TTC17: variants seen among roughly 807,000 people sequenced by gnomAD.
TTC17 encodes tetratricopeptide repeat protein 17.
Under a neutral mutation model 143.8 loss-of-function variants are expected in TTC17, and 58 were observed. The observed-to-expected ratio is 0.40, with a 90% confidence interval of 0.33 to 0.50. The LOEUF (loss-of-function observed/expected upper bound fraction) is 0.50, where lower values mean the gene tolerates loss of function less well. Among genes scored for constraint, TTC17 ranks in the 20% least tolerant of loss-of-function variants. The pLI, the probability that TTC17 is intolerant of heterozygous loss-of-function variation, is 0.49. For missense variants in TTC17, 1,273 were observed against 1,392.5 expected, an observed-to-expected ratio of 0.91 and a Z score of 1.37; for synonymous variants, 501 against 497.8, an observed-to-expected ratio of 1.01 and a Z score of -0.09.
In TTC17 at chr11:43,475,154, G is replaced by T. The variant is rs182277589; in HGVS notation, c.3031-15085G>T. On this transcript the variant is annotated intron_variant, in intron 21 of 23. Transcript: ENST00000039989. ...GTATTTGACTATACATCCCTAATGA[G>T]ATTTACCCTAAGAACCAAAGGAAAC... Among the ~76,000 whole-genome samples, 5 of 152,282 alleles carry T rather than the reference G, an allele frequency of 3.3e-5. No individual in the cohort carries two copies. The East Asian group carries it at 9.7e-4, about 29-fold the overall frequency.
At chr11:43,455,329 G>T (rs1373605428) in intron 21 of TTC17, among the ~76,000 whole-genome samples, 1 of 151,388 alleles carries the variant, frequency 6.6e-6, no homozygotes, top group Non-Finnish European at 1.5e-5. Flanking sequence ...CCAAAACCAG[G>T]ATGAAAAAAT....
At chr11:43,371,243 A>G (rs1303052507) in intron 1 of TTC17, among the ~76,000 whole-genome samples, 1 of 152,128 alleles carries the variant, frequency 6.6e-6, no homozygotes, top group Non-Finnish European at 1.5e-5. Context: ...GTGGCTTCCA[A>G]TTCAGTTCTG....
chr11:43,403,056 TGTTTG>T (rs1397189761), intron 10 of TTC17, among the ~76,000 whole-genome samples: 10 of 149,702 alleles, frequency 6.7e-5, no homozygotes, highest in Non-Finnish European at 4.5e-5. Context: ...CAATATCTCA[TGTTTG>T]GTTTCCAAGG....
intron 21 of TTC17, among the ~76,000 whole-genome samples, chr11:43,476,156 G>C: frequency 6.6e-6 from 1 of 152,324 alleles, no homozygotes; most frequent in South Asian, 2.1e-4. Context: ...CAATCTAGGT[G>C]AACCAGTTTT....
chr11:43,359,656 G>C (rs1409202628), intron 1 of TTC17, among the ~76,000 whole-genome samples: 5 of 152,180 alleles, frequency 3.3e-5, no homozygotes, highest in African/African-American at 1.2e-4. Flanking sequence ...CCGTTACTCA[G>C]GTCAGCAGTG....
chr11:43,454,830 G>C (rs1947732164), intron 21 of TTC17, among the ~76,000 whole-genome samples: 1 of 151,882 alleles, frequency 6.6e-6, no homozygotes, highest in Non-Finnish European at 1.5e-5. Context: ...CAGAGACTCA[G>C]GGAGATTCAG....
chr11:43,375,868 C>G (rs1199515116), intron 1 of TTC17, among the ~76,000 whole-genome samples: 1 of 152,134 alleles, frequency 6.6e-6, no homozygotes, highest in African/African-American at 2.4e-5. Context: ...GAAATAATTA[C>G]CCTCATATAG....
intron 1 of TTC17, among the ~76,000 whole-genome samples, chr11:43,362,454 G>A (rs113327974): frequency 3.3e-5 from 5 of 152,206 alleles, no homozygotes; most frequent in East Asian, 3.9e-4. Context: ...GTCAACATGC[G>A]TATGTATTGG....
intron 5 of TTC17, among the ~76,000 whole-genome samples, chr11:43,395,051 A>G (rs919142551): frequency 6.6e-6 from 1 of 151,440 alleles, no homozygotes; most frequent in Non-Finnish European, 1.5e-5. Flanking sequence ...CCAGTATGCT[A>G]TGATATATAT....
intron 1 of TTC17, among the ~76,000 whole-genome samples, chr11:43,374,509 A>G (rs1201804024): frequency 6.6e-6 from 1 of 152,152 alleles, no homozygotes; most frequent in Non-Finnish European, 1.5e-5. Context: ...CTATTCTCAA[A>G]CTATGCATCC....
intron 1 of TTC17, among the ~76,000 whole-genome samples, chr11:43,377,225 A>T (rs1400410307): frequency 1.3e-5 from 2 of 152,010 alleles, no homozygotes; most frequent in Non-Finnish European, 2.9e-5. Context: ...CCAGGGAGGC[A>T]GAGGTTGCAG....
chr11:43,412,911 G>A (rs547583496), intron 15 of TTC17, among the ~76,000 whole-genome samples: 1 of 151,560 alleles, frequency 6.6e-6, no homozygotes, highest in East Asian at 1.9e-4. Flanking sequence ...CAAACACCTA[G>A]TAATTGCATA....
chr11:43,410,884 T>A (rs1422859780), intron 15 of TTC17, among the ~76,000 whole-genome samples: 1 of 152,208 alleles, frequency 6.6e-6, no homozygotes, highest in Non-Finnish European at 1.5e-5. Context: ...TGGCTAACCT[T>A]GTTGATTCTG....
At chr11:43,401,318 C>A (rs576225360) in intron 9 of TTC17, 128 bp from the exon 10 acceptor site, 61 of 549,164 alleles carry the variant, frequency 1.1e-4, no homozygotes, top group African/African-American at 1.1e-3. Flanking sequence ...TATATAAGTA[C>A]GTCCTACGTA....
At chr11:43,430,161 C>T (rs1215667323) in intron 16 of TTC17, among the ~76,000 whole-genome samples, 2 of 152,204 alleles carry the variant, frequency 1.3e-5, no homozygotes, top group East Asian at 1.9e-4. Flanking sequence ...AGCACAGTGG[C>T]TCATGCCTAT....
At position 43,493,869 on chromosome 11, in the gene TTC17, CACTT is replaced by C; in HGVS notation, c.3393_3396del (p.His1131GlnfsTer3). On this transcript the variant is annotated frameshift_variant, in exon 24 of 24. Coordinates refer to ENST00000039989, the MANE Select transcript of TTC17 (RefSeq NM_018259.6). LOFTEE classifies it high-confidence loss of function. Reference sequence around the variant, plus strand: ...GAACCGAATCCAGACCATCCAGTGTCACTTAATGCTGAAGAAGGGACGGCGCTCT... The same window carrying C: ...GAACCGAATCCAGACCATCCAGTGTCAATGCTGAAGAAGGGACGGCGCTCT... 1 of 1,613,552 alleles carries C rather than the reference CACTT, an allele frequency of 6.2e-7. No homozygotes were observed. The highest frequency in any genetic ancestry group is 2.2e-5 in the East Asian group (1 of 44,860).
At chr11:43,434,749 AT>A (rs1947247059) in intron 16 of TTC17, among the ~76,000 whole-genome samples, 2 of 152,158 alleles carry the variant, frequency 1.3e-5, no homozygotes, top group Non-Finnish European at 2.9e-5. Flanking sequence ...TTGTTTGTCG[AT>A]TTCTTGAGAG....
chr11:43,459,389 T>C (rs574736625), intron 21 of TTC17, among the ~76,000 whole-genome samples: 5 of 152,352 alleles, frequency 3.3e-5, no homozygotes, highest in Admixed American at 6.5e-5. Flanking sequence ...TGTCTTTCCT[T>C]TTCCATGAGA....
chr11:43,408,819 G>A (rs1858266856), intron 15 of TTC17, among the ~76,000 whole-genome samples: 1 of 151,896 alleles, frequency 6.6e-6, no homozygotes, highest in Non-Finnish European at 1.5e-5. Flanking sequence ...ACGGCTCACT[G>A]CAGCCTCCAC....
Sources: gnomAD v4.1 joint callset for allele counts (sites outside exome capture counted in the v4.1 genomes callset) on GRCh38, gnomAD v4.1.1 for gene constraint, MANE v1.5 for transcripts, NCBI Gene and HGNC (gene_info 2026-07-23, HGNC 2026-07-21) for gene names.